The following KIAA1549L variants were observed in gnomAD, a reference collection of about 807,000 sequenced individuals.
KIAA1549L encodes KIAA1549 like.
KIAA1549L carries 88 observed loss-of-function variants against 160.7 expected under a neutral mutation model. That is an observed-to-expected ratio of 0.55 (90% CI 0.46 to 0.65). The LOEUF (loss-of-function observed/expected upper bound fraction) is 0.65, where lower values mean the gene tolerates loss of function less well. KIAA1549L is among the 30% of genes least tolerant of loss of function. KIAA1549L has a pLI of 0.00. For missense variants in KIAA1549L, 2,258 were observed against 2,437.5 expected (o/e 0.93, Z 1.55); for synonymous variants, 950 against 976.7 (o/e 0.97, Z 0.51).
intron 1 of KIAA1549L, among the ~76,000 whole-genome samples, chr11:33,396,003 C>G (rs901593948): frequency 6.6e-6 from 1 of 152,026 alleles, no homozygotes; most frequent in Non-Finnish European, 1.5e-5. Flanking sequence ...TTGAGGTTAA[C>G]TGGAAGGAAT....
At chr11:33,641,937 T>C (rs945472098) in intron 16 of KIAA1549L, among the ~76,000 whole-genome samples, 24 of 152,264 alleles carry the variant, frequency 1.6e-4, no homozygotes, top group African/African-American at 5.1e-4. Context: ...ACTATCTTAT[T>C]AAGTATTGTA....
chr11:33,536,312 G>A (rs1429621750), intron 1 of KIAA1549L, among the ~76,000 whole-genome samples: 1 of 152,220 alleles, frequency 6.6e-6, no homozygotes, highest in African/African-American at 2.4e-5. Flanking sequence ...GCCTCAGTTG[G>A]GACGATTCAG....
At chr11:33,408,939 G>A (rs559404287) in intron 1 of KIAA1549L, among the ~76,000 whole-genome samples, 4 of 106,224 alleles carry the variant, frequency 3.8e-5, no homozygotes, top group Non-Finnish European at 7.1e-5. Flanking sequence ...GACAGAGCGC[G>A]ACTCCATCTC....
In KIAA1549L at chr11:33,543,922, G is replaced by T. The variant is rs1244120298; in HGVS notation, c.2359G>T (p.Val787Leu). ...LVLGTSIEQP[V>L]QQSDMTMVGS... ...CCTCGGTACAAGCATTGAGCAGCCTGTGCAACAGTCAGACATGACCATGGT... is the reference window on the plus strand; with the variant it reads ...CCTCGGTACAAGCATTGAGCAGCCTTTGCAACAGTCAGACATGACCATGGT... The change falls in exon 2 of 21, where the codon GTG becomes TTG. Residue 787 changes from valine to leucine, a missense_variant. Physicochemically the swap from Val to Leu is conservative, Grantham distance 32 (BLOSUM62 1). Coordinates refer to ENST00000658780, the MANE Select transcript of KIAA1549L (RefSeq NM_012194.3). 3 of 1,614,034 alleles carry T rather than the reference G, an allele frequency of 1.9e-6. No individual in the cohort carries two copies. The highest frequency in any genetic ancestry group is 2.5e-6 in the Non-Finnish European group (3 of 1,179,894).
chr11:33,510,665 C>T lies in KIAA1549L; in HGVS notation c.239-31137C>T, dbSNP rs555313253. Among the ~76,000 whole-genome samples the T allele has an allele frequency of 1.2e-4, 18 of 152,312 alleles. No individual in the cohort carries two copies. The South Asian group carries it at 3.1e-3, about 26-fold the overall frequency. On this transcript the variant is annotated intron_variant, in intron 1 of 20. Coordinates refer to ENST00000658780, the MANE Select transcript of KIAA1549L (RefSeq NM_012194.3). ...GATGCTGGCGAGGACGTGGATATAG[C>T]GAGAAGAGAAGTAGGCTGAGATACT...
At chr11:33,461,965 C>G (rs1220434468) in intron 1 of KIAA1549L, among the ~76,000 whole-genome samples, 1 of 152,162 alleles carries the variant, frequency 6.6e-6, no homozygotes, top group Admixed American at 6.5e-5. Context: ...GAATGCTAGG[C>G]CTCTCCCATG....
chr11:33,631,006 C>T (rs550197523), intron 16 of KIAA1549L, among the ~76,000 whole-genome samples: 41 of 152,186 alleles, frequency 2.7e-4, no homozygotes, highest in Non-Finnish European at 5.1e-4. Flanking sequence ...GCACGTGCAA[C>T]GTACTGTGGC....
Position 33,544,852 on chromosome 11 carries a change from T to TGCAGCCCTGGTTGCTAAGGGCACCAGCA in KIAA1549L, c.2868_2895dup (p.Leu966GlyfsTer3). 6.2e-7 allele frequency: 1 copy of TGCAGCCCTGGTTGCTAAGGGCACCAGCA among 1,613,694 alleles called. No homozygotes were observed. The highest frequency in any genetic ancestry group is 8.5e-7 in the Non-Finnish European group (1 of 1,179,710). ...GGAAATCAAGTCCACCTGCACTGTC[T>TGCAGCCCTGGTTGCTAAGGGCACCAGCA]GCAGCCCTGGTTGCTAAGGGCACCA... On this transcript the variant is annotated frameshift_variant, in exon 3 of 21. Coordinates refer to ENST00000658780, the MANE Select transcript of KIAA1549L (RefSeq NM_012194.3). LOFTEE classifies it high-confidence loss of function.
chr11:33,400,161 A>C (rs1319599268), intron 1 of KIAA1549L, among the ~76,000 whole-genome samples: 4 of 152,206 alleles, frequency 2.6e-5, no homozygotes, highest in Admixed American at 2.6e-4. Context: ...GTACCTACAA[A>C]TGTGTAGAAA....
chr11:33,467,984 C>T (rs1223922482), intron 1 of KIAA1549L, among the ~76,000 whole-genome samples: 1 of 152,230 alleles, frequency 6.6e-6, no homozygotes, highest in African/African-American at 2.4e-5. Context: ...GTCATTAATT[C>T]CCTGCATGTA....
chr11:33,505,353 T>C (rs997488691), intron 1 of KIAA1549L, among the ~76,000 whole-genome samples: 2 of 152,198 alleles, frequency 1.3e-5, no homozygotes, highest in Non-Finnish European at 2.9e-5. Flanking sequence ...TTTTAGTCAA[T>C]GATGATTGAA....
intron 1 of KIAA1549L, among the ~76,000 whole-genome samples, chr11:33,425,311 C>T (rs1177770736): frequency 6.6e-6 from 1 of 152,160 alleles, no homozygotes; most frequent in African/African-American, 2.4e-5. Flanking sequence ...TCTTGGTTCT[C>T]TTGGTTGACT....
chr11:33,556,229 C>T (rs1422980061), intron 6 of KIAA1549L, among the ~76,000 whole-genome samples: 3 of 152,180 alleles, frequency 2.0e-5, no homozygotes, highest in East Asian at 3.9e-4. Flanking sequence ...ATAGTGCATC[C>T]CCCGTGGAAG....
chr11:33,602,528 C>T (rs533903120), intron 13 of KIAA1549L, among the ~76,000 whole-genome samples: 60 of 152,322 alleles, frequency 3.9e-4, no homozygotes, highest in African/African-American at 1.4e-3. Flanking sequence ...CTCCCCATGC[C>T]AGTTCAGACA....
Position 33,544,933 on chromosome 11 carries a change from T to C in KIAA1549L, c.2940T>C (p.Thr980=), listed in dbSNP as rs766394050. Residue 980 remains threonine, a synonymous_variant, in exon 3 of 21, where the codon ACT becomes ACC. Coordinates refer to ENST00000658780, the MANE Select transcript of KIAA1549L (RefSeq NM_012194.3). ...CAGCTAAGAGCAGTTCGATGACTAC[T>C]CTTGCTAAAAATGTCACAAACAAGG... is the stretch of plus-strand genomic sequence containing the variant. ...SGPAKSSSMT[T]LAKNVTNKAA... The C allele has an allele frequency of 3.1e-6, 5 of 1,613,508 alleles. No homozygotes were observed. The Admixed American group carries it at 5.0e-5, about 16-fold the overall frequency.
At chr11:33,404,374 A>G (rs757086967) in intron 1 of KIAA1549L, among the ~76,000 whole-genome samples, 2 of 152,076 alleles carry the variant, frequency 1.3e-5, no homozygotes, top group Non-Finnish European at 2.9e-5. Context: ...AAGATACAAA[A>G]TTAGCCAGGC....
intron 1 of KIAA1549L, among the ~76,000 whole-genome samples, chr11:33,427,719 A>G (rs1344185254): frequency 1.3e-5 from 2 of 152,138 alleles, no homozygotes; most frequent in East Asian, 1.9e-4. Context: ...CACTACATCT[A>G]TCCACTTCTG....
At chr11:33,468,953 C>G (rs1852118302) in intron 1 of KIAA1549L, among the ~76,000 whole-genome samples, 1 of 152,088 alleles carries the variant, frequency 6.6e-6, no homozygotes, top group Non-Finnish European at 1.5e-5. Context: ...ATAATGGACT[C>G]AGGACTTCGT....
intron 1 of KIAA1549L, among the ~76,000 whole-genome samples, chr11:33,433,122 A>G (rs1336319622): frequency 6.6e-6 from 1 of 152,248 alleles, no homozygotes; most frequent in Non-Finnish European, 1.5e-5. Context: ...AGCAAAAGAA[A>G]CTATCATCTG....
Sources: gnomAD v4.1 joint callset for allele counts (sites outside exome capture counted in the v4.1 genomes callset) on GRCh38, gnomAD v4.1.1 for gene constraint, MANE v1.5 for transcripts, NCBI Gene and HGNC (gene_info 2026-07-23, HGNC 2026-07-21) for gene names.